Variants in LSM4 observed in about 807,000 individuals in gnomAD.
The protein encoded by LSM4 is U6 snRNA-associated Sm-like protein LSm4.
LSM4 carries 15 observed loss-of-function variants against 22.3 expected under a neutral mutation model. The ratio of observed to expected loss-of-function variants is 0.67; its 90% CI spans 0.45 to 1.03. The LOEUF is 1.03. Among genes scored for constraint, LSM4 ranks in the 50% least tolerant of loss-of-function variants. The pLI, the probability that LSM4 is intolerant of heterozygous loss-of-function variation, is 0.00. For missense variants in LSM4, 127 were observed against 198.0 expected (o/e 0.64, Z 2.15); for synonymous variants, 90 against 79.8 (o/e 1.13, Z -0.68).
In LSM4 at chr19:18,312,792, C is replaced by T. The variant is rs966414151; in HGVS notation, c.46-90G>A. The T allele has an allele frequency of 1.1e-5, 11 of 959,432 alleles. No homozygotes were observed. The African/African-American group carries it at 1.8e-4, about 15-fold the overall frequency. The allele number at this position is 959,432 out of a possible 1,614,324, so 59.4% of individuals were successfully genotyped here. ...AGGTGTAGCTCTGCCCTGAGATGGA[C>T]CACCACCTCCGGGCCTCAGCCCACA... On this transcript the variant is annotated intron_variant, in intron 2 of 4. Transcript: ENST00000593829.
At position 18,312,593 on chromosome 19, in the gene LSM4, G is replaced by C. The variant is rs773584834; in HGVS notation, c.144+11C>G. 1.2e-6 allele frequency: 2 copies of C among 1,611,444 alleles called. No homozygotes were observed. The highest frequency in any genetic ancestry group is 2.2e-5 in the East Asian group (1 of 44,828). ...CTGCATCCCACCCCCGTTGGTGGGT[G>C]CAGCACCCACCCTGGACGTGCAGAT... On this transcript the variant is annotated intron_variant, in intron 3 of 4. Transcript: ENST00000593829.
intron 3 of LSM4, chr19:18,310,083 T>C (rs908673640): frequency 5.4e-6 from 3 of 553,740 alleles, no homozygotes; most frequent in Admixed American, 3.7e-5. Flanking sequence ...GTGGGTGTGG[T>C]AGGCGCAGCC....
intron 1 of LSM4, among the ~76,000 whole-genome samples, chr19:18,321,384 C>T (rs1168405488): frequency 3.3e-5 from 5 of 152,242 alleles, no homozygotes; most frequent in Middle Eastern, 3.4e-3. Flanking sequence ...AAAATTGTAG[C>T]GGGAAATTAT....
At chr19:18,317,627 G>A (rs1033936564) in intron 1 of LSM4, among the ~76,000 whole-genome samples, 13 of 152,096 alleles carry the variant, frequency 8.5e-5, no homozygotes, top group East Asian at 7.7e-4. Context: ...GATTACAGGC[G>A]TGAGCCACCG....
chr19:18,307,314 A>T lies in LSM4; in HGVS notation c.*150T>A. The T allele has an allele frequency of 1.9e-6, 1 of 521,460 alleles. No homozygotes were observed. Among genetic ancestry groups the T allele is most frequent in the Non-Finnish European group, 3.1e-6 (1 of 322,760 alleles). 32.3% of individuals were successfully genotyped at this position (521,460 alleles called of 1,614,324 possible). ...AGAATTGCCGGTTTTAGCAAGAAAA[A>T]GGGGCTTCACCTAAAAGGGAGGGTC... On this transcript the variant is annotated 3_prime_UTR_variant, in exon 5 of 5. Coordinates refer to ENST00000593829, the MANE Select transcript of LSM4 (RefSeq NM_012321.5).
At chr19:18,309,561 G>T (rs749643778) in intron 4 of LSM4, 117 bp downstream of exon 4, 15 of 1,137,390 alleles carry the variant, frequency 1.3e-5, no homozygotes, top group Non-Finnish European at 1.8e-5. Context: ...CAGGAGGGGG[G>T]CCCGGGAGGG....
chr19:18,309,653 C>G (rs200308806), intron 4 of LSM4, 25 bp downstream of exon 4: 33 of 1,559,620 alleles, frequency 2.1e-5, no homozygotes, highest in Non-Finnish European at 2.7e-5. Flanking sequence ...GCCCCAGGTA[C>G]GTCCACTGGA....
intron 2 of LSM4, among the ~76,000 whole-genome samples, chr19:18,315,156 C>G (rs1263218486): frequency 6.6e-6 from 1 of 151,982 alleles, no homozygotes; most frequent in Non-Finnish European, 1.5e-5. Context: ...GGATTACAGG[C>G]ATAGAGCCAC....
Position 18,316,038 on chromosome 19 carries a change from G to C in LSM4, c.31C>G (p.Gln11Glu), listed in dbSNP as rs1174205709. ...TGAGTACTCACCATGGGGTGATTCT[G>C]AGCCGTCTTCAGCAGTGACAAGGGA... Reference protein sequence around the residue: MLPLSLLKTAQNHPMLVELKN... With the variant: MLPLSLLKTAENHPMLVELKN... Residue 11 changes from glutamine to glutamate, a missense_variant, in exon 2 of 5, where the codon CAG becomes GAG. Gln to Glu is a conservative substitution (Grantham distance 29). Coordinates refer to ENST00000593829, the MANE Select transcript of LSM4 (RefSeq NM_012321.5). 6 of 1,613,558 alleles carry C rather than the reference G, an allele frequency of 3.7e-6. No homozygotes were observed. The Admixed American group carries it at 8.3e-5, about 22-fold the overall frequency.
At chr19:18,319,125 C>G (rs1300460037) in intron 1 of LSM4, among the ~76,000 whole-genome samples, 1 of 151,934 alleles carries the variant, frequency 6.6e-6, no homozygotes, top group Non-Finnish European at 1.5e-5. Context: ...AACTGTAATC[C>G]CAGCTACTCA....
intron 4 of LSM4, among the ~76,000 whole-genome samples, chr19:18,308,880 C>T (rs1472574256): frequency 6.6e-6 from 1 of 152,180 alleles, no homozygotes; most frequent in Non-Finnish European, 1.5e-5. Context: ...CTGCTATCTG[C>T]ACTCCATGGC....
chr19:18,311,370 T>C (rs1334761364), intron 3 of LSM4, among the ~76,000 whole-genome samples: 2 of 152,138 alleles, frequency 1.3e-5, no homozygotes, highest in African/African-American at 4.8e-5. Flanking sequence ...CCCAGCCACA[T>C]GTGACGGCAG....
At chr19:18,314,202 A>C (rs1363728648) in intron 2 of LSM4, among the ~76,000 whole-genome samples, 2 of 152,188 alleles carry the variant, frequency 1.3e-5, no homozygotes, top group Non-Finnish European at 2.9e-5. Flanking sequence ...AAAAGGGGAA[A>C]GAGCCCAGAT....
At position 18,309,700 on chromosome 19, in the gene LSM4, G is replaced by A. The variant is rs141593327; in HGVS notation, c.306C>T (p.Arg102=). The change falls in exon 4 of 5, where the codon CGC becomes CGT. Residue 102 remains arginine (R), a synonymous_variant. Coordinates refer to ENST00000593829, the MANE Select transcript of LSM4 (RefSeq NM_012321.5). Reference sequence around the variant, plus strand: ...CACCTCGGCCAGCGCCGCCCATGCCGCGGCCTTTCTGCTGCTTCTGCTGCT... The same window carrying A: ...CACCTCGGCCAGCGCCGCCCATGCCACGGCCTTTCTGCTGCTTCTGCTGCT... ...GLQQQKQQKG[R]GMGGAGRGVF... 4.0e-5 allele frequency: 64 copies of A among 1,608,670 alleles called. No individual in the cohort carries two copies. The highest frequency in any genetic ancestry group is 3.4e-4 in the Middle Eastern group (2 of 5,924).
chr19:18,309,833 T>C lies in LSM4; in HGVS notation c.173A>G (p.Glu58Gly). ...GATGGTGCTGCCGCGGATGTAGCAC[T>C]CGGGCATCCGCCAGAACTTGTCCCC... The part of the protein sequence containing the change: ...RDGDKFWRMP[E>G]CYIRGSTIKY... The change falls in exon 4 of 5, where the codon GAG becomes GGG. Residue 58 changes from glutamate (E) to glycine (G), a missense_variant. By Grantham distance (98) the Glu-to-Gly change is moderately conservative. Coordinates refer to ENST00000593829, the MANE Select transcript of LSM4 (RefSeq NM_012321.5). 6.2e-7 allele frequency: 1 copy of C among 1,613,618 alleles called. No homozygotes were observed. The highest frequency in any genetic ancestry group is 1.1e-5 in the South Asian group (1 of 91,048).
chr19:18,315,983 C>T, intron 2 of LSM4, 41 bp downstream of exon 2: 9 of 1,602,660 alleles, frequency 5.6e-6, no homozygotes, highest in Non-Finnish European at 7.7e-6. Flanking sequence ...CTGAGGCTGG[C>T]CCCCTCTCAA....
intron 4 of LSM4, among the ~76,000 whole-genome samples, chr19:18,309,042 C>A (rs1171074468): frequency 1.3e-5 from 2 of 152,132 alleles, no homozygotes; most frequent in Non-Finnish European, 2.9e-5. Flanking sequence ...CCCAAAGCTC[C>A]CTGCCTGGAG....
intron 1 of LSM4, among the ~76,000 whole-genome samples, chr19:18,317,509 A>T (rs967880655): frequency 6.7e-6 from 1 of 149,974 alleles, no homozygotes; most frequent in African/African-American, 2.5e-5. Context: ...ATTTTTTTTT[A>T]TTTTTATTTT....
chr19:18,318,336 G>T (rs1247268565), intron 1 of LSM4, among the ~76,000 whole-genome samples: 2 of 152,334 alleles, frequency 1.3e-5, no homozygotes, highest in East Asian at 3.9e-4. Flanking sequence ...CTGCCCAGGG[G>T]AGGTTGGTGC....
Sources: gnomAD v4.1 joint callset for allele counts (sites outside exome capture counted in the v4.1 genomes callset) on GRCh38, gnomAD v4.1.1 for gene constraint, MANE v1.5 for transcripts, NCBI Gene and HGNC (gene_info 2026-07-23, HGNC 2026-07-21) for gene names.